Variants in SNTG1 observed in about 807,000 individuals in gnomAD.
The protein encoded by SNTG1 is gamma-1-syntrophin.
SNTG1 carries 39 observed loss-of-function variants against 74.7 expected under a neutral mutation model. The ratio of observed to expected loss-of-function variants is 0.52; its 90% CI spans 0.40 to 0.68. SNTG1 has a LOEUF of 0.68. Ranked by LOEUF, SNTG1 falls within the 30% of genes least tolerant of loss-of-function variation. SNTG1 has a pLI of 0.00. For missense variants in SNTG1, 685 were observed against 609.5 expected, an observed-to-expected ratio of 1.12 and a Z score of -1.30; for synonymous variants, 254 against 217.1, an observed-to-expected ratio of 1.17 and a Z score of -1.49.
At chr8:50,475,865 G>T (rs1473773802) in intron 8 of SNTG1, among the ~76,000 whole-genome samples, 6 of 152,158 alleles carry the variant, frequency 3.9e-5, no homozygotes, top group African/African-American at 1.4e-4. Context: ...CAAATAAACT[G>T]CATAAATACT....
At chr8:50,040,101 C>T (rs988829020) in intron 1 of SNTG1, among the ~76,000 whole-genome samples, 3 of 152,118 alleles carry the variant, frequency 2.0e-5, no homozygotes, top group Non-Finnish European at 4.4e-5. Flanking sequence ...AGTGGACAGG[C>T]AAGCTAAGAG....
At chr8:50,347,516 G>T (rs892844307) in intron 2 of SNTG1, among the ~76,000 whole-genome samples, 1 of 152,126 alleles carries the variant, frequency 6.6e-6, no homozygotes, top group Non-Finnish European at 1.5e-5. Context: ...TATCTATTCC[G>T]CAGTCCATTA....
At chr8:49,990,145 C>T (rs1170096901) in intron 1 of SNTG1, among the ~76,000 whole-genome samples, 2 of 151,838 alleles carry the variant, frequency 1.3e-5, no homozygotes, top group Non-Finnish European at 2.9e-5. Context: ...ATACAACTGT[C>T]TCTATTTAGA....
At chr8:50,212,637 C>T (rs191785508) in intron 2 of SNTG1, among the ~76,000 whole-genome samples, 196 of 152,250 alleles carry the variant, frequency 1.3e-3, no homozygotes, top group East Asian at 3.5e-3. Flanking sequence ...CCTATTACAA[C>T]GGGCCACAGT....
chr8:49,916,691 C>G (rs2129338346), intron 1 of SNTG1, among the ~76,000 whole-genome samples: 1 of 151,918 alleles, frequency 6.6e-6, no homozygotes, highest in Admixed American at 6.6e-5. Context: ...AAAATTTGAA[C>G]AATAATGTGT....
intron 2 of SNTG1, among the ~76,000 whole-genome samples, chr8:50,343,139 C>G (rs115302948): frequency 6.6e-6 from 1 of 152,142 alleles, no homozygotes; most frequent in East Asian, 1.9e-4. Flanking sequence ...GGATTTATGT[C>G]GCTCATAGGA....
intron 11 of SNTG1, among the ~76,000 whole-genome samples, chr8:50,549,994 T>C (rs2094414735): frequency 6.6e-6 from 1 of 152,192 alleles, no homozygotes; most frequent in Non-Finnish European, 1.5e-5. Context: ...ACTCATCAAA[T>C]CCTTATTAAA....
Position 50,201,887 on chromosome 8 carries a change from C to T in SNTG1, c.-28+29252C>T. Among the ~76,000 whole-genome samples the T allele has an allele frequency of 1.3e-5, 2 of 152,098 alleles. 1 individual carries two copies. The highest frequency in any genetic ancestry group is 2.9e-5 in the Non-Finnish European group (2 of 68,000). On this transcript the variant is annotated intron_variant, in intron 2 of 18. Coordinates refer to ENST00000642720, the MANE Select transcript of SNTG1 (RefSeq NM_018967.5). The stretch of plus-strand genomic sequence containing the variant: ...TCTTCTTGTCTATAAATTTTCACTT[C>T]AATAGTTAGAAACATGGCTCCCACC...
intron 1 of SNTG1, among the ~76,000 whole-genome samples, chr8:50,066,589 GA>G (rs1333548262): frequency 6.6e-6 from 1 of 152,150 alleles, no homozygotes; most frequent in African/African-American, 2.4e-5. Context: ...CTATAGCAAT[GA>G]AAATGTTTCC....
At chr8:50,005,955 CTTTTTTTTTT>C (rs57041850) in intron 1 of SNTG1, among the ~76,000 whole-genome samples, 1 of 89,376 alleles carries the variant, frequency 1.1e-5, no homozygotes, top group Non-Finnish European at 1.9e-5. Flanking sequence ...ATTACTTGCA[CTTTTTTTTTT>C]TTTTTTTTTT....
intron 5 of SNTG1, among the ~76,000 whole-genome samples, chr8:50,443,137 A>G (rs900917823): frequency 6.6e-6 from 1 of 152,156 alleles, no homozygotes; most frequent in African/African-American, 2.4e-5. Context: ...TATTCTTCCT[A>G]TCGGGATTAC....
At chr8:50,602,435 G>A (rs939743553) in intron 13 of SNTG1, among the ~76,000 whole-genome samples, 2 of 151,938 alleles carry the variant, frequency 1.3e-5, no homozygotes, top group Admixed American at 6.6e-5. Flanking sequence ...TTAACTTGTT[G>A]TTTCTCTTTA....
At chr8:50,040,801 A>G (rs1818569032) in intron 1 of SNTG1, among the ~76,000 whole-genome samples, 1 of 152,190 alleles carries the variant, frequency 6.6e-6, no homozygotes, top group Non-Finnish European at 1.5e-5. Flanking sequence ...ATTAAATAAT[A>G]GTTATTAATT....
intron 2 of SNTG1, among the ~76,000 whole-genome samples, chr8:50,308,878 A>G (rs2089998727): frequency 6.6e-6 from 1 of 151,972 alleles, no homozygotes; most frequent in African/African-American, 2.4e-5. Context: ...CCAGAGCTAG[A>G]TAGTTATACA....
At chr8:49,939,385 A>G (rs892328877) in intron 1 of SNTG1, among the ~76,000 whole-genome samples, 6 of 152,232 alleles carry the variant, frequency 3.9e-5, no homozygotes, top group Non-Finnish European at 8.8e-5. Flanking sequence ...TTAATTGAAT[A>G]AGACCCTTGT....
chr8:50,784,260 A>G (rs879630828), intron 18 of SNTG1, among the ~76,000 whole-genome samples: 7 of 152,230 alleles, frequency 4.6e-5, no homozygotes, highest in Admixed American at 2.0e-4. Context: ...AAAGGGACAG[A>G]TATGTCTACT....
chr8:50,568,383 T>C (rs561253828), intron 12 of SNTG1, among the ~76,000 whole-genome samples: 5 of 152,268 alleles, frequency 3.3e-5, no homozygotes, highest in Admixed American at 1.3e-4. Flanking sequence ...TTGAGTCATA[T>C]GGTAGTTCTG....
At chr8:50,286,920 C>G (rs527762103) in intron 2 of SNTG1, 1 of 152,244 alleles carries the variant, frequency 6.6e-6, no homozygotes, top group South Asian at 2.1e-4. Context: ...ATTACCAGTC[C>G]TGTTGCTTGT....
chr8:50,789,133 C>T (rs543908981), intron 18 of SNTG1, among the ~76,000 whole-genome samples: 1 of 151,878 alleles, frequency 6.6e-6, no homozygotes, highest in Non-Finnish European at 1.5e-5. Flanking sequence ...AACTCTAATA[C>T]CTTCACATGC....
Sources: gnomAD v4.1 joint callset for allele counts (sites outside exome capture counted in the v4.1 genomes callset) on GRCh38, gnomAD v4.1.1 for gene constraint, MANE v1.5 for transcripts, NCBI Gene and HGNC (gene_info 2026-07-23, HGNC 2026-07-21) for gene names.